DCP1A: variants seen among roughly 807,000 people sequenced by gnomAD.
DCP1A encodes mRNA-decapping enzyme 1A.
Under a neutral mutation model 58.0 loss-of-function variants are expected in DCP1A, and 20 were observed. That is an observed-to-expected ratio of 0.34 (90% confidence interval 0.24 to 0.50). The LOEUF (loss-of-function observed/expected upper bound fraction) is 0.50, where lower values mean the gene tolerates loss of function less well. Among genes scored for constraint, DCP1A ranks in the 20% least tolerant of loss-of-function variants. DCP1A has a pLI of 0.98. For synonymous variants in DCP1A, 285 were observed against 275.1 expected (o/e 1.04, Z -0.36); for missense variants, 613 against 712.2 (o/e 0.86, Z 1.59).
chr3:53,303,918 T>A (rs1707385649), intron 6 of DCP1A, among the ~76,000 whole-genome samples: 2 of 152,156 alleles, frequency 1.3e-5, no homozygotes, highest in Admixed American at 6.5e-5. Flanking sequence ...CTGACTTATG[T>A]TTTGCAAGGA....
chr3:53,315,446 G>T (rs1465661281), intron 4 of DCP1A, among the ~76,000 whole-genome samples: 2 of 148,828 alleles, frequency 1.3e-5, no homozygotes, highest in Admixed American at 1.4e-4. Flanking sequence ...GCTGAGGCAG[G>T]AGAACTGCTT....
At chr3:53,343,374 G>T (rs1042971487) in intron 2 of DCP1A, among the ~76,000 whole-genome samples, 2 of 152,180 alleles carry the variant, frequency 1.3e-5, no homozygotes, top group African/African-American at 4.8e-5. Flanking sequence ...AGTTTCTTGC[G>T]TCTCCTTTAA....
intron 6 of DCP1A, among the ~76,000 whole-genome samples, chr3:53,294,467 GAA>G (rs1707048777): frequency 6.6e-6 from 1 of 152,156 alleles, no homozygotes; most frequent in Non-Finnish European, 1.5e-5. Context: ...GGGGGAAGCT[GAA>G]GTTAGTTGTG....
At chr3:53,328,971 CT>C (rs1708184594) in intron 3 of DCP1A, 1 of 164,534 alleles carries the variant, frequency 6.1e-6, no homozygotes, top group African/African-American at 2.4e-5. Flanking sequence ...GACTGCCTTT[CT>C]TCAGGCTAAG....
chr3:53,345,720 T>A (rs1020162726), intron 1 of DCP1A, among the ~76,000 whole-genome samples: 24 of 152,268 alleles, frequency 1.6e-4, no homozygotes, highest in African/African-American at 5.5e-4. Context: ...ATTAAAAAAT[T>A]TAGAAAATTG....
chr3:53,309,665 T>C (rs570050868), intron 5 of DCP1A, among the ~76,000 whole-genome samples: 1 of 152,262 alleles, frequency 6.6e-6, no homozygotes, highest in East Asian at 1.9e-4. Flanking sequence ...ATTGGGAGGC[T>C]AAGATGGGAG....
At chr3:53,315,394 T>C (rs545180236) in intron 4 of DCP1A, among the ~76,000 whole-genome samples, 2 of 151,848 alleles carry the variant, frequency 1.3e-5, no homozygotes, top group African/African-American at 4.8e-5. Flanking sequence ...AAAAATTAGC[T>C]GGGTGCAGTG....
At chr3:53,314,264 TTTTA>T (rs1456344426) in intron 4 of DCP1A, among the ~76,000 whole-genome samples, 1 of 152,206 alleles carries the variant, frequency 6.6e-6, no homozygotes, top group Non-Finnish European at 1.5e-5. Context: ...TTTTCTCAAA[TTTTA>T]TTTGACTATA....
At chr3:53,343,859 C>T (rs2089254400) in intron 2 of DCP1A, among the ~76,000 whole-genome samples, 1 of 152,158 alleles carries the variant, frequency 6.6e-6, no homozygotes, top group Non-Finnish European at 1.5e-5. Context: ...GATCCGCCCA[C>T]CTCGGCCTCC....
Position 53,292,579 on chromosome 3 carries a change from C to T in DCP1A, c.873G>A (p.Pro291=), listed in dbSNP as rs35983535. 3,524 of 1,613,794 alleles carry T rather than the reference C, an allele frequency of 2.2e-3. 46 individuals are homozygous for T. In the African/African-American group the frequency reaches 0.036, roughly 16 times the overall value. The change falls in exon 7 of 10, where the codon CCG becomes CCA. Residue 291 remains proline (P), a synonymous_variant. Transcript: ENST00000610213. ...TGATGGAGGCTGGAGTGATTAGCACCGGGGTGGTGATTTCAGGCTGGACTG... is the reference window on the plus strand; with the variant it reads ...TGATGGAGGCTGGAGTGATTAGCACTGGGGTGGTGATTTCAGGCTGGACTG... ...HHSVQPEITT[P]VLITPASITQ...
At chr3:53,343,359 AAC>A (rs1437290431) in intron 2 of DCP1A, among the ~76,000 whole-genome samples, 4 of 152,186 alleles carry the variant, frequency 2.6e-5, no homozygotes, top group East Asian at 1.9e-4. Context: ...ACATTTTCCA[AAC>A]ACAGTTTCTT....
intron 3 of DCP1A, chr3:53,338,028 AAAGAACATTGGCCTTGAAGC>A: frequency 3.0e-6 from 1 of 330,114 alleles, no homozygotes; most frequent in South Asian, 2.3e-5. Flanking sequence ...AGTAGAGTGG[AAAGAACATTGGCCTTGAAGC>A]CCGAAAGACC....
chr3:53,298,590 C>A (rs1553687038), intron 6 of DCP1A, among the ~76,000 whole-genome samples: 3 of 152,168 alleles, frequency 2.0e-5, no homozygotes, highest in Admixed American at 6.6e-5. Flanking sequence ...AACAAAAGAA[C>A]CAGACTCCAA....
intron 5 of DCP1A, among the ~76,000 whole-genome samples, chr3:53,311,965 A>G (rs1369937671): frequency 1.3e-5 from 2 of 151,820 alleles, no homozygotes; most frequent in South Asian, 2.1e-4. Flanking sequence ...AAAAAAAAAA[A>G]AGAGAGACAC....
rs781900316 is a variant in DCP1A, at chr3:53,292,595, G to C, written c.857C>G (p.Pro286Arg). The stretch of plus-strand genomic sequence containing the variant: ...GATTAGCACCGGGGTGGTGATTTCA[G>C]GCTGGACTGAATGGTGGGCAGCAGA... ...VPSAAHHSVQ[P>R]EITTPVLITP... The change falls in exon 7 of 10, where the codon CCT becomes CGT. Residue 286 changes from proline to arginine, a missense_variant. Around this residue, in one of 3 missense-constraint regions of DCP1A, gnomAD observed 498 missense variants for 556.7 expected, o/e 0.89. Coordinates refer to ENST00000610213, the MANE Select transcript of DCP1A (RefSeq NM_018403.7). The C allele has an allele frequency of 2.2e-5, 36 of 1,613,762 alleles. No homozygotes were observed. The Admixed American group carries it at 5.8e-4, about 26-fold the overall frequency.
At chr3:53,295,961 C>T (rs547466992) in intron 6 of DCP1A, among the ~76,000 whole-genome samples, 22 of 150,694 alleles carry the variant, frequency 1.5e-4, no homozygotes, top group Non-Finnish European at 2.9e-4. Flanking sequence ...GGCGTGACCT[C>T]GGCTCACTGT....
intron 3 of DCP1A, among the ~76,000 whole-genome samples, chr3:53,323,046 G>A (rs1315730943): frequency 2.0e-5 from 3 of 152,130 alleles, no homozygotes; most frequent in Admixed American, 6.5e-5. Context: ...GTATGGTCTC[G>A]ATCTCCTGAC....
At chr3:53,315,704 C>T in intron 4 of DCP1A, among the ~76,000 whole-genome samples, 1 of 140,602 alleles carries the variant, frequency 7.1e-6, no homozygotes, top group Admixed American at 7.1e-5. Flanking sequence ...TACATAGTTT[C>T]TCGTTTTTAT....
chr3:53,292,139 G>A lies in DCP1A; in HGVS notation c.1313C>T (p.Pro438Leu), dbSNP rs1553686080. 14 of 1,613,884 alleles carry A rather than the reference G, an allele frequency of 8.7e-6. No homozygotes were observed. The highest frequency in any genetic ancestry group is 1.2e-5 in the Non-Finnish European group (14 of 1,179,890). ...LATPESFIEP[P>L]SKTAAARVAA... ...CACTCTTGCTGCTGCTGTCTTAGAG[G>A]GAGGCTCTATGAAGCTCTCAGGTGT... Residue 438 changes from proline to leucine, a missense_variant, in exon 7 of 10, where the codon CCC (proline) becomes CTC (leucine). Pro to Leu is a moderately conservative substitution (Grantham distance 98). Coordinates refer to ENST00000610213, the MANE Select transcript of DCP1A (RefSeq NM_018403.7).
Sources: gnomAD v4.1 joint callset for allele counts (sites outside exome capture counted in the v4.1 genomes callset) on GRCh38, gnomAD v4.1.1 for gene constraint, gnomAD v4.1.1 regional missense constraint, MANE v1.5 for transcripts, NCBI Gene and HGNC (gene_info 2026-07-23, HGNC 2026-07-21) for gene names.